Variants in PRKAA2 observed in about 807,000 individuals in gnomAD.
PRKAA2 encodes protein kinase AMP-activated catalytic subunit alpha 2.
A neutral mutation model predicts 56.3 loss-of-function variants in PRKAA2; 40 were observed. That is an observed-to-expected ratio of 0.71 (90% CI 0.55 to 0.92). The LOEUF (loss-of-function observed/expected upper bound fraction) is 0.92, where lower values mean the gene tolerates loss of function less well. Ranked by LOEUF, PRKAA2 falls within the 40% of genes least tolerant of loss-of-function variation. PRKAA2 has a pLI of 0.00. For synonymous variants in PRKAA2, 214 were observed against 234.2 expected (o/e 0.91, Z 0.79); for missense variants, 542 against 686.9 (o/e 0.79, Z 2.36).
At chr1:56,675,067 T>G (rs908483630) in intron 2 of PRKAA2, among the ~76,000 whole-genome samples, 4 of 152,054 alleles carry the variant, frequency 2.6e-5, no homozygotes, top group African/African-American at 9.7e-5. Flanking sequence ...AATTATAAAC[T>G]TAAAAGTTAG....
intron 1 of PRKAA2, among the ~76,000 whole-genome samples, chr1:56,668,965 C>T (rs1201047926): frequency 6.6e-6 from 1 of 152,176 alleles, no homozygotes; most frequent in African/African-American, 2.4e-5. Flanking sequence ...CCGAAATCGT[C>T]AAGAGGCAGG....
intron 6 of PRKAA2, among the ~76,000 whole-genome samples, chr1:56,697,012 ATT>A (rs752842791): frequency 5.2e-5 from 3 of 57,866 alleles, no homozygotes; most frequent in Non-Finnish European, 6.1e-5. Context: ...CCAGCAAAGA[ATT>A]TTTTTTTTTT....
At chr1:56,674,924 A>AT (rs1423551130) in intron 2 of PRKAA2, among the ~76,000 whole-genome samples, 1 of 151,896 alleles carries the variant, frequency 6.6e-6, no homozygotes, top group Non-Finnish European at 1.5e-5. Context: ...CATTCAGGGT[A>AT]TTTTTTCCTT....
chr1:56,706,261 T>TGGCACTAGTTGACC lies in PRKAA2; in HGVS notation c.1420+44_1420+57dup, dbSNP rs779525202. The TGGCACTAGTTGACC allele has an allele frequency of 2.5e-6, 4 of 1,590,184 alleles. No homozygotes were observed. The African/African-American group carries it at 5.4e-5, about 22-fold the overall frequency. On this transcript the variant is annotated intron_variant, in intron 8 of 8. Transcript: ENST00000371244. The stretch of plus-strand genomic sequence containing the variant: ...GCATGAGCTCTGAGAAGATAAAACT[T>TGGCACTAGTTGACC]GGCACTAGTTGACCAGATGTTAAAA...
chr1:56,697,012 A>ATTTTTTTTTTTTTTTTTTTTTTTTT (rs752842791), intron 6 of PRKAA2, among the ~76,000 whole-genome samples: 2 of 57,870 alleles, frequency 3.5e-5, no homozygotes, highest in African/African-American at 1.4e-4. Context: ...CCAGCAAAGA[A>ATTTTTTTTTTTTTTTTTTTTTTTTT]TTTTTTTTTT....
intron 1 of PRKAA2, among the ~76,000 whole-genome samples, chr1:56,657,562 G>A (rs1643955851): frequency 6.6e-6 from 1 of 152,122 alleles, no homozygotes. Flanking sequence ...TGTAATCCCA[G>A]CTACTCGGGA....
intron 1 of PRKAA2, among the ~76,000 whole-genome samples, chr1:56,650,428 G>A (rs79698763): frequency 0.014 from 2,178 of 152,098 alleles, 16 homozygotes; most frequent in Non-Finnish European, 0.019. Context: ...TCTCACTCTG[G>A]GTAGGGTAAA....
At chr1:56,694,030 G>A (rs1213488787) in intron 5 of PRKAA2, among the ~76,000 whole-genome samples, 178 bp downstream of exon 5, 2 of 152,054 alleles carry the variant, frequency 1.3e-5, no homozygotes, top group Non-Finnish European at 2.9e-5. Flanking sequence ...ATTTCATTTA[G>A]ATGTCATTAT....
At chr1:56,654,292 A>G (rs1054711364) in intron 1 of PRKAA2, among the ~76,000 whole-genome samples, 21 of 152,130 alleles carry the variant, frequency 1.4e-4, no homozygotes, top group Non-Finnish European at 2.5e-4. Context: ...CTTGTGGTCC[A>G]TGTTAGCTTT....
chr1:56,666,782 G>A (rs1184182033), intron 1 of PRKAA2, among the ~76,000 whole-genome samples: 1 of 152,152 alleles, frequency 6.6e-6, no homozygotes, highest in African/African-American at 2.4e-5. Flanking sequence ...AATACTTTAT[G>A]TATACCTATA....
chr1:56,689,657 C>T (rs1428070379), intron 2 of PRKAA2, among the ~76,000 whole-genome samples: 1 of 151,858 alleles, frequency 6.6e-6, no homozygotes, highest in Non-Finnish European at 1.5e-5. Flanking sequence ...AGGTGGGGTG[C>T]GCAGTGAGCC....
Position 56,645,591 on chromosome 1 carries a change from G to A in PRKAA2, c.94+110G>A, listed in dbSNP as rs949756236. On this transcript the variant is annotated intron_variant, in intron 1 of 8. Coordinates refer to ENST00000371244, the MANE Select transcript of PRKAA2 (RefSeq NM_006252.4). ...CGGGCGCGGGGCTCGGCGGCAGGTG[G>A]AGCGGTCCCGGGTCGCGCGGAGCTG... 59 of 1,078,758 alleles carry A rather than the reference G, an allele frequency of 5.5e-5. No individual in the cohort carries two copies. The African/African-American group carries it at 9.4e-4, about 17-fold the overall frequency. 66.8% of individuals were successfully genotyped at this position (1,078,758 alleles called of 1,614,324 possible).
At chr1:56,663,252 A>AT (rs1227631632) in intron 1 of PRKAA2, among the ~76,000 whole-genome samples, 1 of 152,148 alleles carries the variant, frequency 6.6e-6, no homozygotes, top group Non-Finnish European at 1.5e-5. Flanking sequence ...CACTTGGGTC[A>AT]TTTTAAACAA....
chr1:56,712,706 T>G lies in PRKAA2; in HGVS notation c.*4993T>G, dbSNP rs983975838. 6.6e-5 allele frequency: 10 copies of G among 151,838 alleles called. No homozygotes were observed. Among genetic ancestry groups the G allele is most frequent in the Non-Finnish European group, 1.3e-4 (9 of 67,916 alleles). The allele number at this position is 151,838 out of a possible 1,614,324, so 9.4% of individuals were successfully genotyped here. A position where few individuals can be genotyped will look rare whatever the true frequency, so the allele number is the denominator to read the frequency against. ...GTCTCTACTAAAAATACCAAAATTA[T>G]CCGGTGTGGTGACAGGCTGCTTGTA... On this transcript the variant is annotated 3_prime_UTR_variant, in exon 9 of 9. Transcript: ENST00000371244.
chr1:56,694,078 C>T (rs1644244389), intron 5 of PRKAA2, among the ~76,000 whole-genome samples: 2 of 152,092 alleles, frequency 1.3e-5, no homozygotes, highest in South Asian at 4.1e-4. Context: ...AGAAAAATAA[C>T]TGAAGTAGAT....
intron 1 of PRKAA2, among the ~76,000 whole-genome samples, chr1:56,656,710 T>G (rs2100384381): frequency 6.6e-6 from 1 of 152,312 alleles, no homozygotes; most frequent in South Asian, 2.1e-4. Context: ...GCTTCCCAAC[T>G]TCATGTACCC....
chr1:56,684,804 A>G (rs1644179906), intron 2 of PRKAA2, among the ~76,000 whole-genome samples: 2 of 152,162 alleles, frequency 1.3e-5, no homozygotes, highest in South Asian at 4.1e-4. Flanking sequence ...GATAGTAACT[A>G]TAGGCAGGAG....
At chr1:56,659,048 T>C (rs187862957) in intron 1 of PRKAA2, among the ~76,000 whole-genome samples, 2 of 151,110 alleles carry the variant, frequency 1.3e-5, no homozygotes, top group East Asian at 4.0e-4. Context: ...AGCGATCCTC[T>C]CGCCTGGGCC....
At chr1:56,700,741 C>G (rs192378368) in intron 6 of PRKAA2, among the ~76,000 whole-genome samples, 10 of 152,208 alleles carry the variant, frequency 6.6e-5, no homozygotes, top group African/African-American at 2.2e-4. Context: ...TTCCAGAGAA[C>G]TGCTAGACAT....
Sources: gnomAD v4.1 joint callset for allele counts (sites outside exome capture counted in the v4.1 genomes callset) on GRCh38, gnomAD v4.1.1 for gene constraint, MANE v1.5 for transcripts, NCBI Gene and HGNC (gene_info 2026-07-23, HGNC 2026-07-21) for gene names.